The following HYCC2 variants were observed in gnomAD, a reference collection of about 807,000 sequenced individuals.
HYCC2 encodes the protein hyccin 2.
At chr2:201,029,975 T>G in the HYCC2 span, among the ~76,000 whole-genome samples, 1 of 152,190 alleles carries the variant, frequency 6.6e-6, no homozygotes, top group Non-Finnish European at 1.5e-5. Context: ...TAGTCCCAGT[T>G]ACTGAGGAGG....
At chr2:200,985,743 C>A in the HYCC2 span, among the ~76,000 whole-genome samples, 32 of 152,090 alleles carry the variant, frequency 2.1e-4, no homozygotes, top group African/African-American at 7.7e-4. Context: ...TGTGGCTACA[C>A]CCTCTCCCTC....
At chr2:201,039,771 G>A in the HYCC2 span, among the ~76,000 whole-genome samples, 1 of 152,250 alleles carries the variant, frequency 6.6e-6, no homozygotes, top group East Asian at 1.9e-4. Flanking sequence ...AAGTATAGAT[G>A]ACTACTACTA....
the HYCC2 span, chr2:200,988,266 T>C: frequency 6.8e-6 from 11 of 1,607,516 alleles, no homozygotes; most frequent in Middle Eastern, 1.7e-4. Context: ...ACTCACCTTC[T>C]CTTCTCCATC....
At chr2:200,996,034 T>TC in the HYCC2 span, 8 of 148,404 alleles carry the variant, frequency 5.4e-5, no homozygotes, top group Non-Finnish European at 8.9e-5. Flanking sequence ...TTTTCTTTTT[T>TC]TTTTTTTTTT....
At chr2:201,042,090 G>A in the HYCC2 span, among the ~76,000 whole-genome samples, 1 of 152,146 alleles carries the variant, frequency 6.6e-6, no homozygotes, top group African/African-American at 2.4e-5. Flanking sequence ...CCAAGTGCCT[G>A]GGATTGCAGG....
At chr2:201,067,634 T>C in the HYCC2 span, among the ~76,000 whole-genome samples, 3 of 152,250 alleles carry the variant, frequency 2.0e-5, no homozygotes, top group African/African-American at 7.2e-5. Context: ...GTTTCTAAAC[T>C]GGACCCAAGT....
chr2:201,038,043 C>G, the HYCC2 span, among the ~76,000 whole-genome samples: 4 of 151,950 alleles, frequency 2.6e-5, no homozygotes, highest in African/African-American at 4.8e-5. Context: ...AACAAATTTA[C>G]AAGAAAAAAA....
chr2:200,997,372 C>G, the HYCC2 span: 5 of 1,112,322 alleles, frequency 4.5e-6, no homozygotes, highest in Non-Finnish European at 6.8e-6. Flanking sequence ...TAGAACAGTG[C>G]TTGGCTTAGA....
the HYCC2 span, among the ~76,000 whole-genome samples, chr2:201,056,201 A>AT: frequency 2.3e-4 from 35 of 150,228 alleles, 1 homozygote; most frequent in African/African-American, 8.5e-4. Flanking sequence ...CTCAAAAAAA[A>AT]AAATAAATAA....
At chr2:201,003,146 A>G in the HYCC2 span, among the ~76,000 whole-genome samples, 1 of 152,026 alleles carries the variant, frequency 6.6e-6, no homozygotes, top group South Asian at 2.1e-4. Flanking sequence ...AGCTTACTGC[A>G]GCCTCAAACT....
At chr2:201,067,620 G>A in the HYCC2 span, among the ~76,000 whole-genome samples, 2 of 152,154 alleles carry the variant, frequency 1.3e-5, no homozygotes, top group Non-Finnish European at 2.9e-5. Context: ...AAGATGAACC[G>A]TAAGTTTCTA....
chr2:200,975,245 AAAG>A, the HYCC2 span: 2 of 152,012 alleles, frequency 1.3e-5, no homozygotes, highest in Non-Finnish European at 2.9e-5. Context: ...TTTATATGTT[AAAG>A]AGGCCTCATT....
the HYCC2 span, among the ~76,000 whole-genome samples, chr2:200,995,384 A>G: frequency 4.6e-5 from 7 of 152,142 alleles, no homozygotes; most frequent in Non-Finnish European, 8.8e-5. Flanking sequence ...TCTGGTATTC[A>G]CACTGTGTCA....
At chr2:201,021,288 C>T in the HYCC2 span, among the ~76,000 whole-genome samples, 369 of 152,190 alleles carry the variant, frequency 2.4e-3, 1 homozygote, top group African/African-American at 8.2e-3. Flanking sequence ...TCTAACCTGA[C>T]AGGAGACAGG....
At chr2:201,042,606 G>A in the HYCC2 span, among the ~76,000 whole-genome samples, 6 of 150,016 alleles carry the variant, frequency 4.0e-5, no homozygotes, top group Non-Finnish European at 8.9e-5. Flanking sequence ...CCGCCCAGCA[G>A]CCGCCCCGTC....
the HYCC2 span, among the ~76,000 whole-genome samples, chr2:201,057,485 T>C: frequency 6.6e-6 from 1 of 152,228 alleles, no homozygotes; most frequent in Non-Finnish European, 1.5e-5. Context: ...CACCAGATTT[T>C]ACATGAGAGG....
chr2:201,067,142 C>A, the HYCC2 span: 1 of 235,814 alleles, frequency 4.2e-6, no homozygotes, highest in Non-Finnish European at 8.6e-6. Context: ...GTTTGACTGG[C>A]TCCTGATTAT....
chr2:201,037,112 A>G, the HYCC2 span, among the ~76,000 whole-genome samples: 1 of 152,192 alleles, frequency 6.6e-6, no homozygotes, highest in Non-Finnish European at 1.5e-5. Flanking sequence ...ACAGACAAAC[A>G]GAGCCAAATC....
the HYCC2 span, among the ~76,000 whole-genome samples, chr2:201,052,840 T>C: frequency 6.6e-6 from 1 of 152,142 alleles, no homozygotes; most frequent in African/African-American, 2.4e-5. Context: ...TGGAGAGCTG[T>C]ACTGAAAACG....
Sources: allele counts gnomAD v4.1 joint callset (sites outside exome capture counted in the v4.1 genomes callset), GRCh38; gene constraint gnomAD v4.1.1; transcripts MANE v1.5; gene names NCBI Gene and HGNC (gene_info 2026-07-23, HGNC 2026-07-21).